The following APP variants were observed in gnomAD, a reference collection of about 807,000 sequenced individuals.
The protein encoded by APP is amyloid beta precursor protein.
In APP, 31 loss-of-function variants were observed where a neutral mutation model predicts 101.4. That is an observed-to-expected ratio of 0.31 (90% CI 0.23 to 0.41). APP has a LOEUF of 0.41. Ranked by LOEUF, APP falls within the 10% of genes least tolerant of loss-of-function variation. The pLI is 1.00. For missense variants in APP, 839 were observed against 1,003.7 expected, an observed-to-expected ratio of 0.84 and a Z score of 2.22; for synonymous variants, 366 against 364.4, an observed-to-expected ratio of 1.00 and a Z score of -0.05.
At chr21:25,909,874 A>G (rs908926310) in intron 14 of APP, among the ~76,000 whole-genome samples, 5 of 152,192 alleles carry the variant, frequency 3.3e-5, no homozygotes, top group Admixed American at 3.3e-4. Flanking sequence ...TATGTGATTA[A>G]GAATTATTTT....
intron 16 of APP, among the ~76,000 whole-genome samples, chr21:25,896,609 A>G (rs1409707254): frequency 1.3e-5 from 2 of 151,926 alleles, no homozygotes; most frequent in African/African-American, 4.9e-5. Flanking sequence ...GATTTGATTT[A>G]TCTCCATTTC....
chr21:26,150,511 G>C (rs1049775280), intron 1 of APP, among the ~76,000 whole-genome samples: 1 of 152,166 alleles, frequency 6.6e-6, no homozygotes, highest in Non-Finnish European at 1.5e-5. Context: ...TACCCTTCCA[G>C]ACTGTGTCTC....
chr21:25,892,057 A>G (rs2037734102), intron 16 of APP, among the ~76,000 whole-genome samples, 189 bp from the exon 17 acceptor site: 1 of 152,036 alleles, frequency 6.6e-6, no homozygotes, highest in South Asian at 2.1e-4. Context: ...AAAAAAAAAA[A>G]AAAAAAAAGA....
At chr21:26,164,095 A>T (rs542847526) in intron 1 of APP, among the ~76,000 whole-genome samples, 1 of 152,168 alleles carries the variant, frequency 6.6e-6, no homozygotes, top group South Asian at 2.1e-4. Context: ...AAATATAAAA[A>T]TTAGCTGGGC....
At chr21:26,138,266 G>A (rs2062962855) in intron 1 of APP, among the ~76,000 whole-genome samples, 1 of 152,098 alleles carries the variant, frequency 6.6e-6, no homozygotes, top group Admixed American at 6.6e-5. Flanking sequence ...TTTTGAAGCT[G>A]GATGATGTAT....
At chr21:26,062,027 T>C (rs1334833134) in intron 3 of APP, among the ~76,000 whole-genome samples, 2 of 151,852 alleles carry the variant, frequency 1.3e-5, no homozygotes, top group East Asian at 3.9e-4. Flanking sequence ...CTGGCCAATA[T>C]GGTGACACTC....
At chr21:26,138,148 T>C (rs961608709) in intron 1 of APP, among the ~76,000 whole-genome samples, 1 of 152,086 alleles carries the variant, frequency 6.6e-6, no homozygotes, top group African/African-American at 2.4e-5. Flanking sequence ...CAGAAACCTA[T>C]GAACAGAAGT....
At chr21:26,084,064 T>C (rs2061651222) in intron 3 of APP, among the ~76,000 whole-genome samples, 2 of 151,914 alleles carry the variant, frequency 1.3e-5, no homozygotes, top group African/African-American at 2.4e-5. Flanking sequence ...CTTTTCAAAA[T>C]GCGATTGTTA....
intron 1 of APP, among the ~76,000 whole-genome samples, chr21:26,164,366 C>A (rs566764408): frequency 6.6e-6 from 1 of 152,340 alleles, no homozygotes; most frequent in South Asian, 2.1e-4. Context: ...CTTCAAGCTT[C>A]CATATTAGGA....
chr21:25,939,601 T>C (rs1337259364), intron 13 of APP, among the ~76,000 whole-genome samples: 1 of 152,226 alleles, frequency 6.6e-6, no homozygotes, highest in Non-Finnish European at 1.5e-5. Flanking sequence ...GAAAGACTAC[T>C]GGATTACCAA....
intron 3 of APP, among the ~76,000 whole-genome samples, chr21:26,074,192 CAATA>C (rs1361206369): frequency 3.9e-5 from 6 of 151,948 alleles, no homozygotes; most frequent in Admixed American, 6.6e-5. Context: ...GGTACCTAAT[CAATA>C]AATAAAGAGA....
chr21:25,993,105 G>A (rs2042932420), intron 8 of APP, among the ~76,000 whole-genome samples: 1 of 152,140 alleles, frequency 6.6e-6, no homozygotes, highest in Non-Finnish European at 1.5e-5. Flanking sequence ...AGCTTCTGCG[G>A]CAACAAACTT....
At chr21:26,136,797 C>A (rs927106276) in intron 1 of APP, among the ~76,000 whole-genome samples, 1 of 152,120 alleles carries the variant, frequency 6.6e-6, no homozygotes, top group African/African-American at 2.4e-5. Context: ...TTGGCCCTGA[C>A]TCCAAAGCAG....
Position 26,090,058 on chromosome 21 carries a change from C to A in APP, c.240G>T (p.Leu80=), listed in dbSNP as rs762382518. The A allele has an allele frequency of 5.0e-6, 8 of 1,614,090 alleles. No individual in the cohort carries two copies. The South Asian group carries it at 7.7e-5, about 16-fold the overall frequency. ...LQYCQEVYPE[L]QITNVVEANQ... is the part of the protein sequence containing the mutation. ...TGGCTTCTACCACATTGGTGATCTGCAGTTCAGGGTAGACCTGGGAGAGCA... is the reference window on the plus strand; with the variant it reads ...TGGCTTCTACCACATTGGTGATCTGAAGTTCAGGGTAGACCTGGGAGAGCA... The change falls in exon 3 of 18, where the codon CTG becomes CTT. Residue 80 remains leucine (L), a synonymous_variant. Coordinates refer to ENST00000346798, the MANE Select transcript of APP (RefSeq NM_000484.4).
chr21:25,914,908 A>G (rs1191095942), intron 13 of APP, among the ~76,000 whole-genome samples: 1 of 152,112 alleles, frequency 6.6e-6, no homozygotes, highest in Non-Finnish European at 1.5e-5. Flanking sequence ...TTGTTTATAA[A>G]TTACCCAGTC....
intron 1 of APP, among the ~76,000 whole-genome samples, chr21:26,163,247 A>C (rs1166607740): frequency 0.029 from 3,415 of 115,900 alleles, 135 homozygotes; most frequent in East Asian, 0.19. Context: ...CTCAAAAAAA[A>C]AAAAAAAAAA....
chr21:26,022,265 T>C (rs1250100720), intron 5 of APP, among the ~76,000 whole-genome samples: 1 of 152,108 alleles, frequency 6.6e-6, no homozygotes, highest in Non-Finnish European at 1.5e-5. Flanking sequence ...ATGCCATGAG[T>C]CTAACCACAG....
chr21:25,997,191 C>G, intron 8 of APP, 169 bp downstream of exon 8: 5 of 668,994 alleles, frequency 7.5e-6, no homozygotes, highest in Middle Eastern at 2.5e-4. Context: ...CTCAAGCTGT[C>G]TGGCAAAATC....
intron 17 of APP, 70 bp downstream of exon 17, chr21:25,891,652 G>C: frequency 6.7e-7 from 1 of 1,495,438 alleles, no homozygotes; most frequent in Non-Finnish European, 9.3e-7. Flanking sequence ...CTAGTTCTTA[G>C]CAAAAAGCTA....
Sources: gnomAD v4.1 joint callset for allele counts (sites outside exome capture counted in the v4.1 genomes callset) on GRCh38, gnomAD v4.1.1 for gene constraint, MANE v1.5 for transcripts, NCBI Gene and HGNC (gene_info 2026-07-23, HGNC 2026-07-21) for gene names.